CABP1: variants seen among roughly 807,000 people sequenced by gnomAD.
CABP1 encodes the protein calcium binding protein 1.
Under a neutral mutation model 34.3 loss-of-function variants are expected in CABP1, and 17 were observed. That is an observed-to-expected ratio of 0.50 (90% CI 0.34 to 0.74). The LOEUF (loss-of-function observed/expected upper bound fraction) is 0.74, where lower values mean the gene tolerates loss of function less well. CABP1 is among the 30% of genes least tolerant of loss of function. The pLI is 0.01. For synonymous variants in CABP1, 198 were observed against 229.2 expected (o/e 0.86, Z 1.23); for missense variants, 373 against 511.1 (o/e 0.73, Z 2.61).
At chr12:120,656,234 A>G (rs781414520) in intron 1 of CABP1, 3 of 1,584,600 alleles carry the variant, frequency 1.9e-6, no homozygotes, top group East Asian at 4.5e-5. Context: ...CCCTGCCTGC[A>G]TTTTCCTGCG....
At chr12:120,655,684 T>G in intron 1 of CABP1, 1 of 1,429,752 alleles carries the variant, frequency 7.0e-7, no homozygotes, top group Non-Finnish European at 9.1e-7. Context: ...ATTGGGAGGT[T>G]GGGAGCATTT....
In CABP1 at chr12:120,640,842, G is replaced by T; in HGVS notation, c.157G>T (p.Ala53Ser). Residue 53 changes from alanine to serine, a missense_variant, in exon 1 of 6, where the codon GCG becomes TCG. Physicochemically the swap from Ala to Ser is moderately conservative, Grantham distance 99 (BLOSUM62 1). Coordinates refer to ENST00000316803, the MANE Select transcript of CABP1 (RefSeq NM_001033677.2). The surrounding 1 kb of genome is among the most constrained non-coding windows in gnomAD (Gnocchi z 6.2). The part of the protein sequence containing the change: ...TAPPPPGHAS[A>S]GPAAMSSHIA... Reference sequence around the variant, plus strand: ...GCCGCCCCCGCCGGGCCATGCGAGCGCGGGCCCCGCCGCGATGAGCTCGCA... The same window carrying T: ...GCCGCCCCCGCCGGGCCATGCGAGCTCGGGCCCCGCCGCGATGAGCTCGCA... 9.3e-7 allele frequency: 1 copy of T among 1,072,276 alleles called. No individual in the cohort carries two copies. The highest frequency in any genetic ancestry group is 1.1e-6 in the Non-Finnish European group (1 of 887,752). 66.4% of individuals were successfully genotyped at this position (1,072,276 alleles called of 1,614,324 possible). A position where few individuals can be genotyped will look rare whatever the true frequency, so the allele number is the denominator to read the frequency against.
At chr12:120,676,696 G>C in the CABP1 span, among the ~76,000 whole-genome samples, 2 of 152,138 alleles carry the variant, frequency 1.3e-5, no homozygotes, top group Non-Finnish European at 2.9e-5. Flanking sequence ...CAAAGTGTTG[G>C]GATTACAGGC....
rs111271980 is a variant in CABP1, at chr12:120,640,852, C to T, written c.167C>T (p.Ala56Val). Reference protein sequence around the residue: ...PPPGHASAGPAAMSSHIAKSE... With the variant: ...PPPGHASAGPVAMSSHIAKSE... ...CCGGGCCATGCGAGCGCGGGCCCCG[C>T]CGCGATGAGCTCGCACATCGCCAAA... Residue 56 changes from alanine to valine, a missense_variant, in exon 1 of 6, where the codon GCC (alanine) becomes GTC (valine). This residue lies in a region of CABP1 where 134 missense variants were observed against 145.4 expected (regional missense o/e 0.92). Transcript: ENST00000316803. This position sits in a 1 kb window ranked among gnomAD's most constrained non-coding sequence, Gnocchi z 6.2. 3 of 1,073,540 alleles carry T rather than the reference C, an allele frequency of 2.8e-6. No homozygotes were observed. The East Asian group carries it at 2.0e-4, about 70-fold the overall frequency. The allele number at this position is 1,073,540 out of a possible 1,614,324, so 66.5% of individuals were successfully genotyped here. A position where few individuals can be genotyped will look rare whatever the true frequency, so the allele number is the denominator to read the frequency against.
At chr12:120,673,945 G>T in the CABP1 span, among the ~76,000 whole-genome samples, 1 of 152,224 alleles carries the variant, frequency 6.6e-6, no homozygotes. Flanking sequence ...ACTTTGGAAG[G>T]CCAAAGTGAG....
At chr12:120,652,445 T>C (rs1425428710) in intron 1 of CABP1, among the ~76,000 whole-genome samples, 1 of 152,162 alleles carries the variant, frequency 6.6e-6, no homozygotes. Context: ...TTCTTTTGGC[T>C]GTTTTATAGA....
the CABP1 span, among the ~76,000 whole-genome samples, chr12:120,674,162 T>G: frequency 6.6e-6 from 1 of 152,234 alleles, no homozygotes; most frequent in Non-Finnish European, 1.5e-5. Context: ...CCAACCTGGA[T>G]GATGGAACGA....
chr12:120,643,084 G>A (rs1323820100), intron 1 of CABP1, among the ~76,000 whole-genome samples: 4 of 150,404 alleles, frequency 2.7e-5, no homozygotes, highest in African/African-American at 7.4e-5. Flanking sequence ...TTGTAGCGAC[G>A]TGCTTTTGTT....
At chr12:120,647,812 C>G (rs11065183) in intron 1 of CABP1, among the ~76,000 whole-genome samples, 30,674 of 149,496 alleles carry the variant, frequency 0.21, 3,380 homozygotes, top group African/African-American at 0.29. Context: ...GAACTCCTGA[C>G]CTCAGGTGAT....
At chr12:120,645,014 A>G (rs1322296700) in intron 1 of CABP1, among the ~76,000 whole-genome samples, 1 of 152,224 alleles carries the variant, frequency 6.6e-6, no homozygotes, top group Non-Finnish European at 1.5e-5. Context: ...CACGTTGGCC[A>G]GGCTGGTCTC....
At chr12:120,665,889 G>A (rs35445411) in intron 5 of CABP1, among the ~76,000 whole-genome samples, 20,673 of 151,538 alleles carry the variant, frequency 0.14, 1,543 homozygotes, top group African/African-American at 0.16. Context: ...ACGTCGTGGC[G>A]GGCTCCTGGT....
At chr12:120,671,208 C>A (rs1881240847), downstream of CABP1, among the ~76,000 whole-genome samples, 2 of 151,994 alleles carry the variant, frequency 1.3e-5, no homozygotes, top group East Asian at 3.9e-4. Flanking sequence ...GAGTTCGAGA[C>A]CAGCCTGGCC....
At chr12:120,649,084 G>A (rs1270196147) in intron 1 of CABP1, among the ~76,000 whole-genome samples, 1 of 151,436 alleles carries the variant, frequency 6.6e-6, no homozygotes, top group African/African-American at 2.4e-5. Context: ...CCCCTCCAGA[G>A]GTTTGGCCCA....
Position 120,666,870 on chromosome 12 carries a change from TC to T in CABP1, c.1088-4del. ...TGCTCCCCAGCTGCTCCTCTACCCT[TC>T]TAGAGTTTGTCCGGATGATGTCCCG... On this transcript the variant is annotated splice_polypyrimidine_tract_variant and splice_region_variant and intron_variant, in intron 5 of 5. Coordinates refer to ENST00000316803, the MANE Select transcript of CABP1 (RefSeq NM_001033677.2). 1.2e-6 allele frequency: 2 copies of T among 1,605,866 alleles called. No homozygotes were observed. The highest frequency in any genetic ancestry group is 1.7e-6 in the Non-Finnish European group (2 of 1,178,520).
At chr12:120,677,019 T>C in the CABP1 span, among the ~76,000 whole-genome samples, 1 of 151,956 alleles carries the variant, frequency 6.6e-6, no homozygotes, top group Non-Finnish European at 1.5e-5. Context: ...GCCAGGAGTT[T>C]GAGTGCAGCC....
chr12:120,670,164 T>C (rs931003431), downstream of CABP1, among the ~76,000 whole-genome samples: 6 of 152,174 alleles, frequency 3.9e-5, no homozygotes, highest in Non-Finnish European at 8.8e-5. Context: ...CAGCTGATTT[T>C]TAAATTTTTT....
chr12:120,660,446 T>A lies in CABP1; in HGVS notation c.829+107T>A. 5 of 1,277,908 alleles carry A rather than the reference T, an allele frequency of 3.9e-6. No homozygotes were observed. Among genetic ancestry groups the A allele is most frequent in the Non-Finnish European group, 5.4e-6 (5 of 929,166 alleles). The allele number at this position is 1,277,908 out of a possible 1,614,324, so 79.2% of individuals were successfully genotyped here. A position where few individuals can be genotyped will look rare whatever the true frequency, so the allele number is the denominator to read the frequency against. On this transcript the variant is annotated intron_variant, in intron 3 of 5. Coordinates refer to ENST00000316803, the MANE Select transcript of CABP1 (RefSeq NM_001033677.2). The surrounding 1 kb of genome is among the most constrained non-coding windows in gnomAD (Gnocchi z 5.0). ...TTCTGCATCCACCTCTTACCAGCTC[T>A]GTGATCTGGGGCCAACCACTTACCC...
the CABP1 span, among the ~76,000 whole-genome samples, chr12:120,680,705 C>A: frequency 4.6e-5 from 7 of 152,222 alleles, no homozygotes; most frequent in Admixed American, 4.6e-4. Flanking sequence ...TGAGAGCAAA[C>A]CTGGGGTTAT....
Position 120,660,644 on chromosome 12 carries a change from G to T in CABP1, c.830-87G>T. 1.1e-6 allele frequency: 1 copy of T among 913,408 alleles called. No homozygotes were observed. The highest frequency in any genetic ancestry group is 1.8e-6 in the Non-Finnish European group (1 of 549,148). The allele number at this position is 913,408 out of a possible 1,614,324, so 56.6% of individuals were successfully genotyped here. ...TGTCTCTATCTGATGAGCAGGTCAA[G>T]GAGGGGTTGTCCATTCTGTCAGTTG... is the stretch of plus-strand genomic sequence containing the variant. On this transcript the variant is annotated intron_variant, in intron 3 of 5. Transcript: ENST00000316803. This position sits in a 1 kb window ranked among gnomAD's most constrained non-coding sequence, Gnocchi z 5.0.
Sources: allele counts gnomAD v4.1 joint callset (sites outside exome capture counted in the v4.1 genomes callset), GRCh38; gene constraint gnomAD v4.1.1; regional missense constraint gnomAD v4.1.1; non-coding constraint Gnocchi (gnomAD v3.1); transcripts MANE v1.5; gene names NCBI Gene and HGNC (gene_info 2026-07-23, HGNC 2026-07-21).